The following LARGE1 variants were observed in gnomAD, a reference collection of about 807,000 sequenced individuals.
LARGE1 encodes LARGE xylosyl- and glucuronyltransferase 1, also known as xylosyl- and glucuronyltransferase LARGE1.
A neutral mutation model predicts 87.6 loss-of-function variants in LARGE1; 43 were observed. The ratio of observed to expected loss-of-function variants is 0.49; its 90% CI spans 0.38 to 0.63. The LOEUF is 0.63. Among genes scored for constraint, LARGE1 ranks in the 30% least tolerant of loss-of-function variants. The pLI is 0.00. For synonymous variants in LARGE1, 434 were observed against 394.6 expected (o/e 1.10, Z -1.18); for missense variants, 802 against 1,000.2 (o/e 0.80, Z 2.67).
At chr22:33,257,844 T>C (rs1291583247) in intron 11 of LARGE1, among the ~76,000 whole-genome samples, 1 of 152,172 alleles carries the variant, frequency 6.6e-6, no homozygotes, top group Non-Finnish European at 1.5e-5. Context: ...CTCTGGTGAA[T>C]AAAAACAGTT....
intron 5 of LARGE1, among the ~76,000 whole-genome samples, chr22:33,572,738 C>T (rs1028401118): frequency 2.0e-5 from 3 of 151,996 alleles, no homozygotes; most frequent in South Asian, 2.1e-4. Flanking sequence ...GGCATGGTGG[C>T]GCATGCCTGT....
rs73882283 is a variant in LARGE1 at position 33,615,368 on chromosome 22, G to A, written c.492-10810C>T. Among the ~76,000 whole-genome samples the A allele has an allele frequency of 6.3e-3, 966 of 152,194 alleles. 8 individuals carry two copies. Among genetic ancestry groups the A allele is most frequent in the African/African-American group, 0.022 (927 of 41,514 alleles). ...CTTGACATAATTACCTGGAAGTTAG[G>A]TACAGAGGCACTTAGAAAAAAATGC... is the stretch of plus-strand genomic sequence containing the variant. On this transcript the variant is annotated intron_variant, in intron 4 of 14. Coordinates refer to ENST00000397394, the MANE Select transcript of LARGE1 (RefSeq NM_133642.5).
chr22:33,305,841 TTTC>T (rs1270926279), intron 11 of LARGE1, among the ~76,000 whole-genome samples: 6 of 123,452 alleles, frequency 4.9e-5, no homozygotes, highest in African/African-American at 1.9e-4. Context: ...TCTTTTTCTT[TTTC>T]TTTTTTTTTT....
intron 3 of LARGE1, among the ~76,000 whole-genome samples, chr22:33,631,118 G>GCTGGGATTA (rs1219556146): frequency 6.6e-6 from 1 of 151,912 alleles, no homozygotes; most frequent in African/African-American, 2.4e-5. Context: ...CTCCCAAAGT[G>GCTGGGATTA]CTGGGATTAC....
At chr22:33,364,856 C>T (rs561704558) in intron 9 of LARGE1, among the ~76,000 whole-genome samples, 8 of 150,584 alleles carry the variant, frequency 5.3e-5, no homozygotes, top group East Asian at 1.9e-4. Flanking sequence ...GCCACCATGC[C>T]GGCTAATTTT....
At chr22:33,379,393 C>G (rs1034391615) in intron 9 of LARGE1, among the ~76,000 whole-genome samples, 4 of 151,886 alleles carry the variant, frequency 2.6e-5, no homozygotes, top group African/African-American at 9.7e-5. Context: ...AGGTATATCT[C>G]CTAATGCTAT....
chr22:33,346,401 T>G (rs1015036658), intron 9 of LARGE1, among the ~76,000 whole-genome samples: 1 of 151,944 alleles, frequency 6.6e-6, no homozygotes, highest in Non-Finnish European at 1.5e-5. Flanking sequence ...CTCCCCGGTT[T>G]AAGCGATTCT....
At position 33,748,691 on chromosome 22, in the gene LARGE1, A is replaced by T. The variant is rs553114706; in HGVS notation, c.106+12680T>A. 2.6e-5 allele frequency among the ~76,000 whole-genome samples: 4 copies of T among 152,332 alleles called. No homozygotes were observed. The South Asian group carries it at 8.3e-4, about 32-fold the overall frequency. On this transcript the variant is annotated intron_variant, in intron 2 of 14. Coordinates refer to ENST00000397394, the MANE Select transcript of LARGE1 (RefSeq NM_133642.5). ...AACATATCTGTTAGGAAAGTGATTA[A>T]ACTCTGCATCAGAGGATGGCCCTTT...
chr22:33,349,761 C>T (rs956390924), intron 9 of LARGE1, among the ~76,000 whole-genome samples: 25 of 152,184 alleles, frequency 1.6e-4, no homozygotes, highest in Non-Finnish European at 1.5e-4. Context: ...AGTTTTGCCA[C>T]AGTGCAGTCT....
intron 11 of LARGE1, among the ~76,000 whole-genome samples, chr22:33,202,628 G>A (rs1473158168): frequency 6.6e-6 from 1 of 152,196 alleles, no homozygotes; most frequent in African/African-American, 2.4e-5. Flanking sequence ...AGTGCAGATT[G>A]ACAGTAGCTG....
chr22:33,747,831 C>T (rs1325729351), intron 2 of LARGE1: 1 of 151,994 alleles, frequency 6.6e-6, no homozygotes, highest in African/African-American at 2.4e-5. Context: ...AATGGTAAAC[C>T]CTTCTTCCCT....
At chr22:33,410,905 T>G (rs1381722662) in intron 7 of LARGE1, among the ~76,000 whole-genome samples, 1 of 152,158 alleles carries the variant, frequency 6.6e-6, no homozygotes, top group Non-Finnish European at 1.5e-5. Context: ...TCTAAGCAAT[T>G]AGTACTGTGA....
intron 1 of LARGE1, among the ~76,000 whole-genome samples, chr22:33,901,527 T>G (rs1366639975): frequency 6.6e-6 from 1 of 152,062 alleles, no homozygotes; most frequent in African/African-American, 2.4e-5. Context: ...CCTAATTAGT[T>G]GGGTGAGGTG....
chr22:33,131,565 G>C, the LARGE1 span, among the ~76,000 whole-genome samples: 1 of 152,160 alleles, frequency 6.6e-6, no homozygotes, highest in Admixed American at 6.5e-5. Context: ...CGAAGGCAAA[G>C]GAGAAGCAAA....
At chr22:33,448,715 T>G (rs1399176770) in intron 6 of LARGE1, among the ~76,000 whole-genome samples, 8 of 152,240 alleles carry the variant, frequency 5.3e-5, no homozygotes, top group Non-Finnish European at 4.4e-5. Context: ...GCCAGAAAAC[T>G]GTGGAGTCAG....
chr22:33,862,743 A>G (rs1291507488), intron 1 of LARGE1, among the ~76,000 whole-genome samples: 3 of 152,188 alleles, frequency 2.0e-5, no homozygotes, highest in Non-Finnish European at 4.4e-5. Flanking sequence ...ATAAAACATA[A>G]GTTCTTCTTG....
chr22:33,304,167 C>T (rs745848490), intron 12 of LARGE1, 62 bp downstream of exon 12: 153 of 1,586,608 alleles, frequency 9.6e-5, no homozygotes, highest in Non-Finnish European at 1.2e-4. Flanking sequence ...GCCTTTTGGT[C>T]CTGGCACTGC....
intron 2 of LARGE1, among the ~76,000 whole-genome samples, chr22:33,716,365 T>C (rs2082907633): frequency 6.6e-6 from 1 of 152,214 alleles, no homozygotes; most frequent in Non-Finnish European, 1.5e-5. Flanking sequence ...TCTGTGCATT[T>C]GTTCAGAAAT....
chr22:33,436,873 G>A (rs980632684), intron 6 of LARGE1, among the ~76,000 whole-genome samples: 1 of 152,084 alleles, frequency 6.6e-6, no homozygotes, highest in Non-Finnish European at 1.5e-5. Context: ...TCTGGGTTTT[G>A]GTGCTAGGAA....
Sources: allele counts gnomAD v4.1 joint callset (sites outside exome capture counted in the v4.1 genomes callset), GRCh38; gene constraint gnomAD v4.1.1; transcripts MANE v1.5; gene names NCBI Gene and HGNC (gene_info 2026-07-23, HGNC 2026-07-21).